The following MYO9B variants were observed in gnomAD, a reference collection of about 807,000 sequenced individuals.
MYO9B encodes the protein myosin IXB, also known as unconventional myosin-IXb.
Under a neutral mutation model 229.5 loss-of-function variants are expected in MYO9B, and 71 were observed. The observed-to-expected ratio is 0.31, with a 90% CI of 0.26 to 0.38. The LOEUF (loss-of-function observed/expected upper bound fraction) is 0.38, where lower values mean the gene tolerates loss of function less well. MYO9B is among the 10% of genes least tolerant of loss of function. The pLI, the probability that MYO9B is intolerant of heterozygous loss-of-function variation, is 1.00. For synonymous variants in MYO9B, 1,185 were observed against 1,235.8 expected, an observed-to-expected ratio of 0.96 and a Z score of 0.86; for missense variants, 2,255 against 2,920.5, an observed-to-expected ratio of 0.77 and a Z score of 5.25.
rs774693241 is a variant in MYO9B, at chr19:17,101,889, G to A, written c.172G>A (p.Asp58Asn). The A allele has an allele frequency of 6.2e-7, 1 of 1,613,520 alleles. No individual in the cohort carries two copies. The highest frequency in any genetic ancestry group is 8.5e-7 in the Non-Finnish European group (1 of 1,179,840). Residue 58 changes from aspartate (D) to asparagine (N), a missense_variant, in exon 2 of 40, where the codon GAC becomes AAC. Transcript: ENST00000682292. The surrounding 1 kb of genome is among the most constrained non-coding windows in gnomAD (Gnocchi z 4.7). ...IKDAIASLRLDGTKCYVLVEV... is the reference protein window; with the variant it reads ...IKDAIASLRLNGTKCYVLVEV... Reference sequence around the variant, plus strand: ...GGACGCCATTGCCAGCCTGCGGCTGGACGGCACCAAATGTTATGTGCTGGT... The same window carrying A: ...GGACGCCATTGCCAGCCTGCGGCTGAACGGCACCAAATGTTATGTGCTGGT...
chr19:17,099,698 G>T (rs960785344), intron 1 of MYO9B, among the ~76,000 whole-genome samples: 3 of 149,738 alleles, frequency 2.0e-5, no homozygotes, highest in Non-Finnish European at 3.0e-5. Flanking sequence ...GGCGCCTGTT[G>T]TCTCAGCTAC....
intron 2 of MYO9B, among the ~76,000 whole-genome samples, chr19:17,120,638 C>CAA (rs59262657): frequency 1.0e-4 from 9 of 86,970 alleles, no homozygotes; most frequent in South Asian, 4.4e-4. Flanking sequence ...GACTCTGTCT[C>CAA]AAAAAAAAAA....
At chr19:17,139,122 A>T (rs1333945412) in intron 2 of MYO9B, among the ~76,000 whole-genome samples, 1 of 152,176 alleles carries the variant, frequency 6.6e-6, no homozygotes, top group Non-Finnish European at 1.5e-5. Flanking sequence ...GGTTGCAGTG[A>T]GCTGAGATTA....
At chr19:17,139,973 G>A (rs939523486) in intron 2 of MYO9B, among the ~76,000 whole-genome samples, 1 of 151,730 alleles carries the variant, frequency 6.6e-6, no homozygotes, top group African/African-American at 2.4e-5. Context: ...CCCGGGAGGA[G>A]GAGGTTGTGG....
intron 2 of MYO9B, among the ~76,000 whole-genome samples, chr19:17,108,798 C>T (rs909240640): frequency 2.0e-5 from 3 of 149,622 alleles, no homozygotes; most frequent in Admixed American, 6.7e-5. Context: ...CTCACTGGAA[C>T]CTCTGCCTCC....
In MYO9B at chr19:17,162,394, C is replaced by T; in HGVS notation, c.1464C>T (p.Ala488=). The part of the protein sequence containing the change: ...RDSMAKSLYS[A]LFDWIVLRIN... ...CCATGGCCAAGTCTCTGTACAGCGC[C>T]CTGTTCGACTGGATTGTGCTGCGGA... Residue 488 remains alanine (A), a synonymous_variant, in exon 9 of 40, where the codon GCC becomes GCT. Transcript: ENST00000682292. 6.3e-7 allele frequency: 1 copy of T among 1,589,388 alleles called. No homozygotes were observed.
At chr19:17,147,750 A>G (rs1424034457) in intron 3 of MYO9B, among the ~76,000 whole-genome samples, 6 of 116,462 alleles carry the variant, frequency 5.2e-5, no homozygotes, top group Admixed American at 2.5e-4. Context: ...CAATGGCGTG[A>G]TCTCGGCTCA....
chr19:17,088,405 G>A (rs779206745), intron 1 of MYO9B, among the ~76,000 whole-genome samples: 5 of 152,218 alleles, frequency 3.3e-5, no homozygotes, highest in African/African-American at 4.8e-5. Context: ...GTAAGCATGA[G>A]TTTTGGGGAG....
intron 22 of MYO9B, among the ~76,000 whole-genome samples, chr19:17,196,116 G>GGA (rs141426487): frequency 7.6e-5 from 10 of 132,292 alleles, no homozygotes; most frequent in East Asian, 2.5e-4. Context: ...AGGGAGGGAG[G>GGA]GAGAGAGAGA....
intron 22 of MYO9B, among the ~76,000 whole-genome samples, chr19:17,196,689 A>G (rs573085977): frequency 1.3e-5 from 2 of 152,116 alleles, no homozygotes; most frequent in South Asian, 4.1e-4. Flanking sequence ...GTCTCAAAAA[A>G]AAAAAAAAAG....
chr19:17,112,481 G>A (rs2057856964), intron 2 of MYO9B, among the ~76,000 whole-genome samples: 1 of 152,246 alleles, frequency 6.6e-6, no homozygotes, highest in Non-Finnish European at 1.5e-5. Context: ...TCGGGCAGGA[G>A]CGTTTGCACG....
chr19:17,194,939 A>G lies in MYO9B; in HGVS notation c.3512A>G (p.Glu1171Gly), dbSNP rs2073025153. The G allele has an allele frequency of 1.9e-6, 3 of 1,613,444 alleles. No individual in the cohort carries two copies. Among genetic ancestry groups the G allele is most frequent in the Non-Finnish European group, 2.5e-6 (3 of 1,179,888 alleles). Residue 1171 changes from glutamate to glycine, a missense_variant, in exon 22 of 40, where the codon GAG becomes GGG. Transcript: ENST00000682292. ...AACAAACACATCCAGTCCTGCAAGGAGGAGAGTGCCCTCAGAGAACCTTCC... is the reference window on the plus strand; with the variant it reads ...AACAAACACATCCAGTCCTGCAAGGGGGAGAGTGCCCTCAGAGAACCTTCC... ...FQNKHIQSCK[E>G]ESALREPSRR... is the part of the protein sequence containing the mutation.
intron 2 of MYO9B, among the ~76,000 whole-genome samples, chr19:17,104,792 C>T (rs765035891): frequency 6.6e-6 from 1 of 151,890 alleles, no homozygotes; most frequent in Non-Finnish European, 1.5e-5. Flanking sequence ...ATAAAAATAC[C>T]GAGCAGATAG....
intron 25 of MYO9B, 30 bp from the exon 26 acceptor site, chr19:17,200,609 C>T: frequency 4.4e-6 from 7 of 1,587,682 alleles, no homozygotes; most frequent in Non-Finnish European, 6.0e-6. Flanking sequence ...CTGAACCCAC[C>T]CTCACCGGCT....
At chr19:17,125,674 CAGTT>C (rs1197094069) in intron 2 of MYO9B, among the ~76,000 whole-genome samples, 2 of 152,126 alleles carry the variant, frequency 1.3e-5, no homozygotes, top group Non-Finnish European at 2.9e-5. Context: ...CTGTGGCTGA[CAGTT>C]GGTGTCTCTT....
chr19:17,189,905 A>T (rs34180454), intron 19 of MYO9B, among the ~76,000 whole-genome samples: 24,715 of 151,696 alleles, frequency 0.16, 2,127 homozygotes, highest in Non-Finnish European at 0.19. Flanking sequence ...CTACTAAAAA[A>T]AATTTAAAAA....
Position 17,101,593 on chromosome 19 carries a change from G to A in MYO9B, c.-58-67G>A, listed in dbSNP as rs1010601653. On this transcript the variant is annotated intron_variant, in intron 1 of 39. Coordinates refer to ENST00000682292, the MANE Select transcript of MYO9B (RefSeq NM_004145.4). The surrounding 1 kb of genome is among the most constrained non-coding windows in gnomAD (Gnocchi z 4.7). The stretch of plus-strand genomic sequence containing the variant: ...TCAGGTGCTATCTGCCCAGGAGTGG[G>A]ACTCCACATGCCCCTTAAACTTCCT... The A allele has an allele frequency of 1.4e-6, 2 of 1,384,536 alleles. No homozygotes were observed. Among genetic ancestry groups the A allele is most frequent in the South Asian group, 1.5e-5 (1 of 66,296 alleles). 85.8% of individuals were successfully genotyped at this position (1,384,536 alleles called of 1,614,324 possible).
At chr19:17,189,278 G>A (rs143957300) in intron 19 of MYO9B, among the ~76,000 whole-genome samples, 103 of 152,234 alleles carry the variant, frequency 6.8e-4, no homozygotes, top group African/African-American at 2.4e-3. Flanking sequence ...AGTGAGTTAT[G>A]ACTGAGCCAC....
At position 17,099,815 on chromosome 19, in the gene MYO9B, TAAAAAAA is replaced by T. The variant is rs34945453; in HGVS notation, c.-58-1831_-58-1825del. Among the ~76,000 whole-genome samples the T allele has an allele frequency of 1.1e-4, 13 of 116,302 alleles. 2 individuals carry two copies. In the South Asian group the frequency reaches 3.6e-3, roughly 32 times the overall value. 76.3% of individuals were successfully genotyped at this position (116,302 alleles called of 152,430 possible). On this transcript the variant is annotated intron_variant, in intron 1 of 39. Coordinates refer to ENST00000682292, the MANE Select transcript of MYO9B (RefSeq NM_004145.4). Reference sequence around the variant, plus strand: ...CCTGGGTGAAAAAGCGAGACTGTCTTAAAAAAAAAAAAAAAAAAAAGGCCGGGTGCGG... The same window carrying T: ...CCTGGGTGAAAAAGCGAGACTGTCTTAAAAAAAAAAAAAGGCCGGGTGCGG...
Sources: gnomAD v4.1 joint callset for allele counts (sites outside exome capture counted in the v4.1 genomes callset) on GRCh38, gnomAD v4.1.1 for gene constraint, Gnocchi (gnomAD v3.1) non-coding constraint, MANE v1.5 for transcripts, NCBI Gene and HGNC (gene_info 2026-07-23, HGNC 2026-07-21) for gene names.